Variants in SLC12A1 observed in about 807,000 individuals in gnomAD.
The protein encoded by SLC12A1 is solute carrier family 12 member 1.
Under a neutral mutation model 130.4 loss-of-function variants are expected in SLC12A1, and 89 were observed. The observed-to-expected ratio is 0.68, with a 90% CI of 0.58 to 0.81. The LOEUF (loss-of-function observed/expected upper bound fraction) is 0.81. Ranked by LOEUF, SLC12A1 falls within the 40% of genes least tolerant of loss-of-function variation. The pLI is 0.00. For synonymous variants in SLC12A1, 499 were observed against 460.0 expected (o/e 1.08, Z -1.09); for missense variants, 1,310 against 1,336.4 (o/e 0.98, Z 0.31).
rs760304089 is a variant in SLC12A1 at position 48,220,638 on chromosome 15, T to C, written c.425T>C (p.Val142Ala). The C allele has an allele frequency of 1.1e-5, 18 of 1,612,874 alleles. 1 individual carries two copies. In the East Asian group the frequency reaches 2.0e-4, roughly 18 times the overall value. ...LEIHEQLAKN[V>A]AVTPSSADRV... ...TTTGCTATCTATAAAATGCAGAATG[T>C]GGCAGTCACCCCAAGTTCAGCTGAC... is the stretch of plus-strand genomic sequence containing the variant. The change falls in exon 3 of 27, where the codon GTG becomes GCG. Residue 142 changes from valine (V) to alanine (A), a missense_variant. By Grantham distance (64) the Val-to-Ala change is moderately conservative. Coordinates refer to ENST00000380993, the MANE Select transcript of SLC12A1 (RefSeq NM_000338.3).
intron 24 of SLC12A1, among the ~76,000 whole-genome samples, chr15:48,298,519 A>G (rs867373757): frequency 6.4e-4 from 97 of 152,336 alleles, no homozygotes; most frequent in African/African-American, 2.2e-3. Context: ...TCATTTGAAA[A>G]TCTCAGACAG....
At chr15:48,233,919 T>C (rs898728172) in intron 8 of SLC12A1, among the ~76,000 whole-genome samples, 5 of 152,186 alleles carry the variant, frequency 3.3e-5, no homozygotes, top group African/African-American at 1.2e-4. Context: ...GTTTTTCTTC[T>C]AGGTTGTTTC....
At position 48,218,484 on chromosome 15, in the gene SLC12A1, G is replaced by T. The variant is rs28627419; in HGVS notation, c.421-2150G>T. Among the ~76,000 whole-genome samples, 329 of 152,158 alleles carry T rather than the reference G, an allele frequency of 2.2e-3. 2 individuals are homozygous for T. Among genetic ancestry groups the T allele is most frequent in the African/African-American group, 7.7e-3 (320 of 41,516 alleles). On this transcript the variant is annotated intron_variant, in intron 2 of 26. Coordinates refer to ENST00000380993, the MANE Select transcript of SLC12A1 (RefSeq NM_000338.3). ...GGCCAAATGAGGGCAGTTTACCATG[G>T]GTAAGCTATACCTTAGCCCAAAGAA...
intron 20 of SLC12A1, among the ~76,000 whole-genome samples, chr15:48,283,705 A>G (rs991758001): frequency 6.6e-6 from 1 of 152,248 alleles, no homozygotes; most frequent in African/African-American, 2.4e-5. Flanking sequence ...AGATAACGCA[A>G]TGGGCTCCAA....
intron 2 of SLC12A1, among the ~76,000 whole-genome samples, chr15:48,210,154 C>G (rs1172201161): frequency 5.3e-5 from 8 of 151,968 alleles, no homozygotes; most frequent in African/African-American, 1.9e-4. Flanking sequence ...CAGAAGCAGC[C>G]CCCAGGAGTT....
At position 48,292,686 on chromosome 15, in the gene SLC12A1, C is replaced by A. The variant is rs60820695; in HGVS notation, c.2960+822C>A. On this transcript the variant is annotated intron_variant, in intron 24 of 26. Coordinates refer to ENST00000380993, the MANE Select transcript of SLC12A1 (RefSeq NM_000338.3). ...GCCCTCTTCCTGGTATGTAGATGGC[C>A]GCCTCCTTGCTATGTCCTCACATGG... is the stretch of plus-strand genomic sequence containing the variant. Among the ~76,000 whole-genome samples the A allele has an allele frequency of 2.4e-3, 359 of 151,998 alleles. 1 individual carries two copies. Among genetic ancestry groups the A allele is most frequent in the African/African-American group, 8.6e-3 (355 of 41,424 alleles).
In SLC12A1 at chr15:48,255,927, A is replaced by C; in HGVS notation, c.2042+17A>C. 2.2e-4 allele frequency: 322 copies of C among 1,485,974 alleles called. No homozygotes were observed. The highest frequency in any genetic ancestry group is 3.4e-4 in the Middle Eastern group (2 of 5,846). The allele number at this position is 1,485,974 out of a possible 1,614,324, so 92.0% of individuals were successfully genotyped here. ...AAACTTCAGGTAAAGCTGGTGTCTC[A>C]GGCATCCTGGTGTTTTTCCACCCTA... On this transcript the variant is annotated intron_variant, in intron 16 of 26. Transcript: ENST00000380993.
intron 17 of SLC12A1, among the ~76,000 whole-genome samples, chr15:48,264,130 A>G (rs1302220146): frequency 6.6e-6 from 1 of 152,114 alleles, no homozygotes; most frequent in Non-Finnish European, 1.5e-5. Flanking sequence ...CATTTCACAC[A>G]CGGATACCAA....
At chr15:48,260,065 C>T (rs1027500932) in intron 17 of SLC12A1, among the ~76,000 whole-genome samples, 1 of 151,862 alleles carries the variant, frequency 6.6e-6, no homozygotes, top group African/African-American at 2.4e-5. Context: ...GTCAGGAGTT[C>T]GAGACCATGA....
intron 24 of SLC12A1, among the ~76,000 whole-genome samples, chr15:48,293,872 C>T (rs114214492): frequency 0.018 from 2,799 of 151,666 alleles, 101 homozygotes; most frequent in African/African-American, 0.065. Flanking sequence ...TAGCAAGACC[C>T]CCAAAAATAG....
intron 24 of SLC12A1, 42 bp from the exon 25 acceptor site, chr15:48,299,098 T>A: frequency 6.4e-7 from 1 of 1,560,496 alleles, no homozygotes; most frequent in Non-Finnish European, 8.7e-7. Flanking sequence ...AATAATGAGT[T>A]AGTTTCCCAC....
At position 48,288,406 on chromosome 15, in the gene SLC12A1, G is replaced by T; in HGVS notation, c.2763G>T (p.Gly921=). ...IDVWWLFDDG[G]LTLLIPYILT... is the part of the protein sequence containing the mutation. ...GTCATAATTTATTCTTTATTCCAGG[G>T]TTAACACTTCTTATCCCCTATATCT... Residue 921 remains glycine (G), a splice_region_variant and synonymous_variant, in exon 23 of 27, where the codon GGG becomes GGT. Coordinates refer to ENST00000380993, the MANE Select transcript of SLC12A1 (RefSeq NM_000338.3). The T allele has an allele frequency of 2.8e-6, 4 of 1,435,342 alleles. No individual in the cohort carries two copies. The highest frequency in any genetic ancestry group is 3.8e-6 in the Non-Finnish European group (4 of 1,042,306). 88.9% of individuals were successfully genotyped at this position (1,435,342 alleles called of 1,614,324 possible). A position where few individuals can be genotyped will look rare whatever the true frequency, so the allele number is the denominator to read the frequency against.
chr15:48,269,544 T>C lies in SLC12A1; in HGVS notation c.2296-114T>C, dbSNP rs971625366. On this transcript the variant is annotated intron_variant, in intron 18 of 26. Transcript: ENST00000380993. ...GGACATGCACTAAAATGTAATCTAA[T>C]CTTCAGGATCTTCAGAACATTACTT... The C allele has an allele frequency of 3.1e-5, 17 of 543,924 alleles. No individual in the cohort carries two copies. In the Admixed American group the frequency reaches 5.2e-4, roughly 17 times the overall value. The allele number at this position is 543,924 out of a possible 1,614,324, so 33.7% of individuals were successfully genotyped here.
rs771747915 is a variant in SLC12A1, at chr15:48,247,036, T to C, written c.1560+20T>C. On this transcript the variant is annotated intron_variant, in intron 12 of 26. Transcript: ENST00000380993. Reference sequence around the variant, plus strand: ...TTCCAGGTAATACAAGCACAACAGCTTGTGCTTCTCCCTATTGCTATTTCC... The same window carrying C: ...TTCCAGGTAATACAAGCACAACAGCCTGTGCTTCTCCCTATTGCTATTTCC... The C allele has an allele frequency of 6.5e-7, 1 of 1,549,470 alleles. No individual in the cohort carries two copies. Among genetic ancestry groups the C allele is most frequent in the Non-Finnish European group, 8.9e-7 (1 of 1,121,296 alleles).
chr15:48,249,290 T>C (rs183807348), intron 13 of SLC12A1, among the ~76,000 whole-genome samples: 213 of 151,530 alleles, frequency 1.4e-3, no homozygotes, highest in African/African-American at 4.7e-3. Context: ...AGGGAGTTAA[T>C]TGTATGCCCA....
intron 16 of SLC12A1, among the ~76,000 whole-genome samples, chr15:48,256,822 G>GCC (rs57937723): frequency 0.059 from 7,071 of 119,862 alleles, 757 homozygotes; most frequent in African/African-American, 0.16. Flanking sequence ...TCCATCCCTG[G>GCC]CCCCCCCCCC....
At chr15:48,240,504 AG>A (rs2141048699) in intron 9 of SLC12A1, among the ~76,000 whole-genome samples, 1 of 152,284 alleles carries the variant, frequency 6.6e-6, no homozygotes, top group Admixed American at 6.5e-5. Flanking sequence ...TGTGACTTCC[AG>A]TCATCAAGTT....
In SLC12A1 at chr15:48,288,074, T is replaced by C. The variant is rs1204413639; in HGVS notation, c.2661T>C (p.His887=). 1.2e-6 allele frequency: 2 copies of C among 1,611,168 alleles called. No individual in the cohort carries two copies. The highest frequency in any genetic ancestry group is 1.1e-5 in the South Asian group (1 of 90,378). The change falls in exon 22 of 27, where the codon CAT becomes CAC. Residue 887 remains histidine, a synonymous_variant. Transcript: ENST00000380993. ...DGSINTSQSM[H]VGEFNQKLVE... ...GCATTAACACAAGCCAGTCGATGCA[T>C]GTGGGAGAGTTCAACCAGAAACTGG...
chr15:48,235,011 T>C lies in SLC12A1; in HGVS notation c.1215+7T>C, dbSNP rs759002478. ...TATCTCAGGAGATTTGGAGGTACGTTGTTTGCTCTGCTTTGCAGTCCTGGG... is the reference window on the plus strand; with the variant it reads ...TATCTCAGGAGATTTGGAGGTACGTCGTTTGCTCTGCTTTGCAGTCCTGGG... On this transcript the variant is annotated splice_region_variant and intron_variant, in intron 9 of 26. Transcript: ENST00000380993. 4 of 1,613,636 alleles carry C rather than the reference T, an allele frequency of 2.5e-6. No individual in the cohort carries two copies. In the East Asian group the frequency reaches 6.7e-5, roughly 27 times the overall value.
Sources: allele counts gnomAD v4.1 joint callset (sites outside exome capture counted in the v4.1 genomes callset), GRCh38; gene constraint gnomAD v4.1.1; transcripts MANE v1.5; gene names NCBI Gene and HGNC (gene_info 2026-07-23, HGNC 2026-07-21).